ZFHX3: variants seen among roughly 807,000 people sequenced by gnomAD.
The protein encoded by ZFHX3 is zinc finger homeobox protein 3.
In ZFHX3, 42 loss-of-function variants were observed where a neutral mutation model predicts 279.1. That is an observed-to-expected ratio of 0.15 (90% CI 0.12 to 0.19). The LOEUF (loss-of-function observed/expected upper bound fraction) is 0.19. Ranked by LOEUF, ZFHX3 falls within the 10% of genes least tolerant of loss-of-function variation. ZFHX3 has a pLI of 1.00. For missense variants in ZFHX3, 4,981 were observed against 4,754.0 expected (o/e 1.05, Z -1.40); for synonymous variants, 2,293 against 1,957.8 (o/e 1.17, Z -4.52).
intron 5 of ZFHX3, among the ~76,000 whole-genome samples, chr16:73,229,980 G>A (rs191283989): frequency 5.9e-5 from 9 of 152,174 alleles, no homozygotes; most frequent in African/African-American, 1.4e-4. Flanking sequence ...ATACATGAAT[G>A]GATTAATGAA....
chr16:72,800,214 T>G, intron 7 of ZFHX3, 85 bp from the exon 8 acceptor site: 1 of 1,174,492 alleles, frequency 8.5e-7, no homozygotes, highest in Middle Eastern at 2.0e-4. Context: ...ATAAGCAAAA[T>G]TAGCCTTCAC....
At chr16:73,477,762 T>G (rs1275073204) in intron 2 of ZFHX3, among the ~76,000 whole-genome samples, 1 of 152,110 alleles carries the variant, frequency 6.6e-6, no homozygotes. Flanking sequence ...GAGAATGGGG[T>G]GTCAGTTACC....
chr16:73,261,665 A>ATTTTTT (rs1201579873), intron 4 of ZFHX3, among the ~76,000 whole-genome samples: 152 of 71,022 alleles, frequency 2.1e-3, no homozygotes, highest in Middle Eastern at 9.6e-3. Context: ...CATTCCTGTG[A>ATTTTTT]TTGTTTTTTT....
chr16:73,170,039 CA>C (rs1967482755), intron 5 of ZFHX3, among the ~76,000 whole-genome samples: 2 of 152,116 alleles, frequency 1.3e-5, no homozygotes, highest in South Asian at 4.2e-4. Flanking sequence ...GGGCCATATC[CA>C]TTCTGTTCAA....
chr16:73,842,370 G>A lies in ZFHX3; in HGVS notation c.-1608+49281C>T, dbSNP rs1961333158. On this transcript the variant is annotated intron_variant, in intron 1 of 17. Transcript: ENST00000641206. ...GCTGGTGCCTCCCCAGGATCATGGT[G>A]GGAAGGAATTACCCCCCAGCCTTAA... Among the ~76,000 whole-genome samples, 2 of 152,074 alleles carry A rather than the reference G, an allele frequency of 1.3e-5. 1 individual carries two copies. Among genetic ancestry groups the A allele is most frequent in the South Asian group, 4.2e-4 (2 of 4,818 alleles).
chr16:72,959,067 G>A lies in ZFHX3; in HGVS notation c.1079C>T (p.Pro360Leu). 1 of 1,614,202 alleles carries A rather than the reference G, an allele frequency of 6.2e-7. No homozygotes were observed. Among genetic ancestry groups the A allele is most frequent in the Non-Finnish European group, 8.5e-7 (1 of 1,180,034 alleles). The change falls in exon 2 of 10, where the codon CCC (proline) becomes CTC (leucine). Residue 360 changes from proline (P) to leucine (L), a missense_variant. Physicochemically the swap from Pro to Leu is moderately conservative, Grantham distance 98. Coordinates refer to ENST00000268489, the MANE Select transcript of ZFHX3 (RefSeq NM_006885.4). ...AAATTTACCATAAAAACTGTGTCCGGGGCCTATGAGGTTAGCTGTGGAAAC... is the reference window on the plus strand; with the variant it reads ...AAATTTACCATAAAAACTGTGTCCGAGGCCTATGAGGTTAGCTGTGGAAAC... ...PLVSTANLIG[P>L]GHSFYGKFSG... is the part of the protein sequence containing the mutation.
chr16:73,683,226 T>C (rs2053045557), intron 1 of ZFHX3, among the ~76,000 whole-genome samples: 1 of 152,138 alleles, frequency 6.6e-6, no homozygotes, highest in East Asian at 1.9e-4. Context: ...ACAAGTCTTG[T>C]GAAATAGTAG....
intron 5 of ZFHX3, 28 bp from the exon 6 acceptor site, chr16:72,812,066 C>T (rs2143598300): frequency 6.2e-7 from 1 of 1,611,588 alleles, no homozygotes; most frequent in Non-Finnish European, 8.5e-7. Flanking sequence ...AGATGCAATA[C>T]AGCAGCCAGA....
chr16:73,034,882 G>A (rs898564699), intron 1 of ZFHX3, among the ~76,000 whole-genome samples: 1 of 152,206 alleles, frequency 6.6e-6, no homozygotes, highest in Non-Finnish European at 1.5e-5. Context: ...CATGTCGGGG[G>A]AGCCAGGCAT....
intron 5 of ZFHX3, among the ~76,000 whole-genome samples, chr16:73,182,476 A>G (rs536132688): frequency 6.6e-6 from 1 of 152,262 alleles, no homozygotes; most frequent in African/African-American, 2.4e-5. Context: ...CAAAAAAAAC[A>G]GTATGGAGAT....
chr16:73,138,904 C>T (rs767069157), intron 6 of ZFHX3, among the ~76,000 whole-genome samples: 1 of 152,086 alleles, frequency 6.6e-6, no homozygotes, highest in Non-Finnish European at 1.5e-5. Context: ...TTGCCCAGCC[C>T]GGTCTCAAAC....
In ZFHX3 at chr16:73,146,093, AAGAGAGACAAAAAC is replaced by A. The variant is rs372824118; in HGVS notation, c.-1103-2276_-1103-2263del. On this transcript the variant is annotated intron_variant, in intron 5 of 17. Coordinates refer to the ZFHX3 transcript ENST00000641206. Reference sequence around the variant, plus strand: ...AAATTTCCCAAGATAGTATGAATTTAAGAGAGACAAAAACAGGAGGAGGAAAACAAAGTATAGAG... The same window carrying A: ...AAATTTCCCAAGATAGTATGAATTTAAGGAGGAGGAAAACAAAGTATAGAG... 9.0e-3 allele frequency among the ~76,000 whole-genome samples: 1,377 copies of A among 152,296 alleles called. 23 individuals carry two copies. Among genetic ancestry groups the A allele is most frequent in the African/African-American group, 0.031 (1,297 of 41,562 alleles).
intron 1 of ZFHX3, among the ~76,000 whole-genome samples, chr16:73,003,317 G>GA (rs34728114): frequency 0.14 from 18,267 of 131,900 alleles, 1,440 homozygotes; most frequent in Non-Finnish European, 0.2. Flanking sequence ...TAATTAAAGG[G>GA]AAAAAAAAAA....
At chr16:73,089,407 G>A (rs1225232177) in intron 8 of ZFHX3, among the ~76,000 whole-genome samples, 2 of 152,096 alleles carry the variant, frequency 1.3e-5, no homozygotes, top group African/African-American at 4.8e-5. Flanking sequence ...CCGGTCTAAT[G>A]TTATACCTTT....
At chr16:73,891,745 T>TCTCC (rs2030545783) in exon 1 of ZFHX3, 1 of 72,200 alleles carries the variant, frequency 1.4e-5, no homozygotes, top group Non-Finnish European at 4.1e-5. Context: ...TAGTTCTCTC[T>TCTCC]CTCTCTCTCT....
intron 3 of ZFHX3, among the ~76,000 whole-genome samples, chr16:73,361,203 G>T (rs901086285): frequency 1.3e-5 from 2 of 152,204 alleles, no homozygotes; most frequent in African/African-American, 4.8e-5. Context: ...CACACTTCTT[G>T]GGATTCGTGC....
intron 1 of ZFHX3, among the ~76,000 whole-genome samples, chr16:73,680,480 C>G (rs1311395610): frequency 6.6e-6 from 1 of 152,166 alleles, no homozygotes; most frequent in African/African-American, 2.4e-5. Context: ...CTGTGCTCTC[C>G]CCTTCCAAGA....
chr16:73,435,232 G>C (rs1012866908), intron 3 of ZFHX3, among the ~76,000 whole-genome samples: 1 of 152,114 alleles, frequency 6.6e-6, no homozygotes, highest in Non-Finnish European at 1.5e-5. Flanking sequence ...TTTTGAGACA[G>C]AGTTTCGCTC....
intron 1 of ZFHX3, among the ~76,000 whole-genome samples, chr16:73,024,590 TC>T: frequency 6.6e-6 from 1 of 152,134 alleles, no homozygotes; most frequent in South Asian, 2.1e-4. Context: ...TAAAACGAAA[TC>T]TCACCAGCAC....
Sources: allele counts gnomAD v4.1 joint callset (sites outside exome capture counted in the v4.1 genomes callset), GRCh38; gene constraint gnomAD v4.1.1; transcripts MANE v1.5; gene names NCBI Gene and HGNC (gene_info 2026-07-23, HGNC 2026-07-21).